Variants in PHF24 observed in about 807,000 individuals in gnomAD.
PHF24 encodes PHD finger protein 24, also known as Galpha inhibitory interacting protein.
Under a neutral mutation model 42.6 loss-of-function variants are expected in PHF24, and 25 were observed. The ratio of observed to expected loss-of-function variants is 0.59; its 90% CI spans 0.43 to 0.82. The LOEUF is 0.82. Among genes scored for constraint, PHF24 ranks in the 40% least tolerant of loss-of-function variants. The probability of loss-of-function intolerance (pLI) is 0.00; values close to 1 mark genes in which losing one functional copy is unlikely to be tolerated. For synonymous variants in PHF24, 185 were observed against 204.8 expected, an observed-to-expected ratio of 0.90 and a Z score of 0.83; for missense variants, 470 against 538.1, an observed-to-expected ratio of 0.87 and a Z score of 1.25.
At chr9:34,857,777 T>C in the PHF24 span, among the ~76,000 whole-genome samples, 3 of 152,244 alleles carry the variant, frequency 2.0e-5, no homozygotes, top group African/African-American at 7.2e-5. Context: ...TATTTTCAAG[T>C]AAACATTCTT....
chr9:34,688,429 TC>T, the PHF24 span, among the ~76,000 whole-genome samples: 6 of 152,136 alleles, frequency 3.9e-5, no homozygotes, highest in Non-Finnish European at 7.4e-5. Flanking sequence ...ACGGCTCTCA[TC>T]TCCCAGAGCT....
chr9:34,730,681 G>A, the PHF24 span, among the ~76,000 whole-genome samples: 1 of 152,222 alleles, frequency 6.6e-6, no homozygotes, highest in Non-Finnish European at 1.5e-5. Context: ...GTAAGGCTCT[G>A]GCCACAAACA....
chr9:34,929,775 G>A, the PHF24 span, among the ~76,000 whole-genome samples: 1 of 152,290 alleles, frequency 6.6e-6, no homozygotes, highest in East Asian at 1.9e-4. Flanking sequence ...TCAAATTTGT[G>A]ATCAGCCTCC....
At chr9:34,716,413 T>C in the PHF24 span, among the ~76,000 whole-genome samples, 2 of 152,134 alleles carry the variant, frequency 1.3e-5, no homozygotes, top group Admixed American at 6.6e-5. Context: ...TGTGTTAGGG[T>C]TGGAGTAGGG....
the PHF24 span, among the ~76,000 whole-genome samples, chr9:34,875,938 A>ACTCTCTCTCTCTCTCT: frequency 3.4e-5 from 3 of 88,542 alleles, no homozygotes; most frequent in African/African-American, 4.7e-5. Flanking sequence ...ACACACACAC[A>ACTCTCTCTCTCTCTCT]CACACACACA....
chr9:34,806,913 C>T, the PHF24 span, among the ~76,000 whole-genome samples: 1 of 152,200 alleles, frequency 6.6e-6, no homozygotes, highest in Non-Finnish European at 1.5e-5. Flanking sequence ...TGCAGCATTG[C>T]TGAACTTATT....
At chr9:34,954,217 G>A (rs541022427), upstream of PHF24, among the ~76,000 whole-genome samples, 5 of 152,126 alleles carry the variant, frequency 3.3e-5, no homozygotes, top group Non-Finnish European at 7.4e-5. Context: ...GGAAGAGCAG[G>A]GACCCACAGC....
chr9:34,713,669 T>A, the PHF24 span, among the ~76,000 whole-genome samples: 1 of 152,206 alleles, frequency 6.6e-6, no homozygotes, highest in Non-Finnish European at 1.5e-5. Flanking sequence ...TTTAACATTT[T>A]AAAATCTTTT....
At chr9:34,673,188 T>C in the PHF24 span, among the ~76,000 whole-genome samples, 2 of 152,092 alleles carry the variant, frequency 1.3e-5, no homozygotes, top group Non-Finnish European at 2.9e-5. Context: ...AAATCCTGTC[T>C]CTACTAAAAA....
chr9:34,793,774 G>A, the PHF24 span, among the ~76,000 whole-genome samples: 1 of 50,932 alleles, frequency 2.0e-5, no homozygotes, highest in African/African-American at 5.4e-5. Flanking sequence ...CTTCTCCTCT[G>A]TTTCTTTTTT....
chr9:34,852,189 G>A, the PHF24 span, among the ~76,000 whole-genome samples: 1 of 152,056 alleles, frequency 6.6e-6, no homozygotes, highest in Non-Finnish European at 1.5e-5. Flanking sequence ...CTTTTCTCTA[G>A]CTTACTTTAT....
chr9:34,926,892 C>T, the PHF24 span, among the ~76,000 whole-genome samples: 30 of 152,250 alleles, frequency 2.0e-4, no homozygotes, highest in African/African-American at 6.7e-4. This position sits in a 1 kb window ranked among gnomAD's most constrained non-coding sequence, Gnocchi z 4.3. Flanking sequence ...CTCTTGGCTG[C>T]TTAGCTGGTT....
At chr9:34,977,340 G>T in intron 6 of PHF24, 97 bp downstream of exon 6, 2 of 1,422,920 alleles carry the variant, frequency 1.4e-6, no homozygotes, top group South Asian at 1.4e-5. Flanking sequence ...CCTGCCAACA[G>T]CCGAGAGAGG....
the PHF24 span, among the ~76,000 whole-genome samples, chr9:34,839,444 C>T: frequency 3.9e-5 from 6 of 152,212 alleles, no homozygotes; most frequent in Admixed American, 3.3e-4. Flanking sequence ...GGACTCATCA[C>T]TCCTATACTC....
the PHF24 span, among the ~76,000 whole-genome samples, chr9:34,914,372 A>G: frequency 6.6e-6 from 1 of 151,950 alleles, no homozygotes; most frequent in East Asian, 1.9e-4. Context: ...CTTTTTTTCC[A>G]CTCAGGAACA....
the PHF24 span, among the ~76,000 whole-genome samples, chr9:34,869,524 C>A: frequency 6.6e-6 from 1 of 151,942 alleles, no homozygotes; most frequent in Admixed American, 6.6e-5. Flanking sequence ...AGCTTTTTTT[C>A]ATGTTTCTTG....
the PHF24 span, chr9:34,689,595 A>T: frequency 1.8e-6 from 1 of 560,170 alleles, no homozygotes; most frequent in Non-Finnish European, 3.2e-6. This position sits in a 1 kb window ranked among gnomAD's most constrained non-coding sequence, Gnocchi z 4.1. Flanking sequence ...AGGCGGCTTT[A>T]TTGGTAGCAT....
At chr9:34,694,294 C>T in the PHF24 span, among the ~76,000 whole-genome samples, 15 of 151,218 alleles carry the variant, frequency 9.9e-5, no homozygotes, top group African/African-American at 2.4e-4. Flanking sequence ...CTCAGCCACC[C>T]GAGTAGCTGG....
chr9:34,847,679 A>C, the PHF24 span, among the ~76,000 whole-genome samples: 1 of 151,906 alleles, frequency 6.6e-6, no homozygotes, highest in African/African-American at 2.4e-5. Context: ...GTCTTGTGCC[A>C]GTTTTCAAAG....
Sources: allele counts gnomAD v4.1 joint callset (sites outside exome capture counted in the v4.1 genomes callset), GRCh38; gene constraint gnomAD v4.1.1; non-coding constraint Gnocchi (gnomAD v3.1); transcripts MANE v1.5; gene names NCBI Gene and HGNC (gene_info 2026-07-23, HGNC 2026-07-21).